Variants in NCAM2 observed in about 807,000 individuals in gnomAD.
NCAM2 encodes the protein N-CAM-2.
Under a neutral mutation model 98.1 loss-of-function variants are expected in NCAM2, and 30 were observed. That is an observed-to-expected ratio of 0.31 (90% CI 0.23 to 0.41). The LOEUF (loss-of-function observed/expected upper bound fraction) is 0.41. Ranked by LOEUF, NCAM2 falls within the 10% of genes least tolerant of loss-of-function variation. NCAM2 has a pLI of 1.00. For missense variants in NCAM2, 867 were observed against 1,005.8 expected (o/e 0.86, Z 1.87); for synonymous variants, 368 against 342.4 (o/e 1.07, Z -0.83).
At chr21:21,343,433 G>A (rs965542426) in intron 8 of NCAM2, among the ~76,000 whole-genome samples, 81 of 151,340 alleles carry the variant, frequency 5.4e-4, no homozygotes, top group African/African-American at 1.8e-3. Flanking sequence ...AACAGTTGTA[G>A]TACTTGGTTT....
At chr21:21,475,447 C>G (rs1985044970) in intron 14 of NCAM2, among the ~76,000 whole-genome samples, 1 of 152,118 alleles carries the variant, frequency 6.6e-6, no homozygotes. Flanking sequence ...CCTCACTAAT[C>G]AATTAACTGA....
At chr21:21,260,620 T>C (rs1398177273) in intron 1 of NCAM2, among the ~76,000 whole-genome samples, 1 of 149,746 alleles carries the variant, frequency 6.7e-6, no homozygotes, top group Non-Finnish European at 1.5e-5. Context: ...CCTTTATAAA[T>C]AAAGAAAAAT....
At chr21:21,233,329 T>C (rs911586200) in intron 1 of NCAM2, among the ~76,000 whole-genome samples, 10 of 151,684 alleles carry the variant, frequency 6.6e-5, no homozygotes, top group African/African-American at 2.2e-4. Flanking sequence ...GCTCCAACTT[T>C]TACATTTTTC....
intron 1 of NCAM2, among the ~76,000 whole-genome samples, chr21:21,267,248 C>A (rs1426042892): frequency 6.6e-6 from 1 of 152,098 alleles, no homozygotes; most frequent in African/African-American, 2.4e-5. Context: ...AACTTGGTGA[C>A]TCCAAGCATA....
chr21:21,289,651 CA>C (rs2073224280), intron 4 of NCAM2, among the ~76,000 whole-genome samples: 1 of 151,802 alleles, frequency 6.6e-6, no homozygotes, highest in African/African-American at 2.4e-5. Context: ...GATACTTTTA[CA>C]AATGAGTAAA....
chr21:21,100,237 A>T (rs1342401681), intron 1 of NCAM2, among the ~76,000 whole-genome samples: 1 of 152,000 alleles, frequency 6.6e-6, no homozygotes, highest in Non-Finnish European at 1.5e-5. Context: ...AAAAAAAGAG[A>T]AGCCCCAAAG....
chr21:21,146,433 A>T (rs2067274885), intron 1 of NCAM2, among the ~76,000 whole-genome samples: 1 of 151,292 alleles, frequency 6.6e-6, no homozygotes, highest in Admixed American at 6.6e-5. Flanking sequence ...TAGGGACTGA[A>T]ATTACTTGGG....
chr21:21,432,957 A>G (rs529620808), intron 12 of NCAM2, among the ~76,000 whole-genome samples: 2 of 152,336 alleles, frequency 1.3e-5, no homozygotes, highest in South Asian at 4.1e-4. Flanking sequence ...TAAAATAGTG[A>G]GGAAATTAAT....
chr21:21,526,767 G>A (rs1351392480), intron 16 of NCAM2, among the ~76,000 whole-genome samples: 1 of 152,032 alleles, frequency 6.6e-6, no homozygotes, highest in Non-Finnish European at 1.5e-5. Flanking sequence ...ATTGGCCAAA[G>A]AGTAAACAAA....
At chr21:21,128,820 CA>C (rs1285820745) in intron 1 of NCAM2, among the ~76,000 whole-genome samples, 4 of 151,890 alleles carry the variant, frequency 2.6e-5, no homozygotes, top group Non-Finnish European at 5.9e-5. Context: ...TTGGAAATGG[CA>C]AAAATATAAT....
At chr21:21,423,329 T>A (rs78097145) in intron 11 of NCAM2, among the ~76,000 whole-genome samples, 2,145 of 152,242 alleles carry the variant, frequency 0.014, 61 homozygotes, top group African/African-American at 0.049. Context: ...TTGTGACAAC[T>A]AAGTGAGTTA....
intron 16 of NCAM2, among the ~76,000 whole-genome samples, chr21:21,534,311 T>G (rs1989868875): frequency 6.6e-6 from 1 of 152,068 alleles, no homozygotes; most frequent in Admixed American, 6.5e-5. Context: ...ACAGTTTTGA[T>G]GAGAAAATCT....
At chr21:21,456,342 A>G (rs1183241568) in intron 12 of NCAM2, among the ~76,000 whole-genome samples, 1 of 152,150 alleles carries the variant, frequency 6.6e-6, no homozygotes, top group African/African-American at 2.4e-5. Context: ...AATCTGATTG[A>G]CTTTATTCTG....
At chr21:21,057,565 C>A (rs1050743513) in intron 1 of NCAM2, among the ~76,000 whole-genome samples, 1 of 151,994 alleles carries the variant, frequency 6.6e-6, no homozygotes. Context: ...CTCATGCACC[C>A]GACAAATCCT....
intron 1 of NCAM2, among the ~76,000 whole-genome samples, chr21:21,265,367 TATACAC>T (rs1164415394): frequency 2.4e-5 from 1 of 41,982 alleles, no homozygotes; most frequent in African/African-American, 9.0e-5. Flanking sequence ...TTATATTATA[TATACAC>T]ATACACATAT....
At chr21:21,285,664 A>G (rs1230851906) in intron 3 of NCAM2, among the ~76,000 whole-genome samples, 5 of 152,016 alleles carry the variant, frequency 3.3e-5, no homozygotes, top group Non-Finnish European at 7.4e-5. Flanking sequence ...ATAAATATCC[A>G]TGTTCACTCA....
At chr21:21,319,766 A>G (rs1361792177) in intron 5 of NCAM2, among the ~76,000 whole-genome samples, 1 of 152,200 alleles carries the variant, frequency 6.6e-6, no homozygotes, top group Admixed American at 6.5e-5. Flanking sequence ...TTTAAAAGAA[A>G]CATAATAATC....
intron 15 of NCAM2, among the ~76,000 whole-genome samples, chr21:21,492,568 G>A (rs1268692188): frequency 6.6e-6 from 1 of 151,716 alleles, no homozygotes; most frequent in Non-Finnish European, 1.5e-5. Flanking sequence ...CACATATTTT[G>A]ATAACACCTT....
At chr21:21,309,330 G>A (rs989499267) in intron 5 of NCAM2, among the ~76,000 whole-genome samples, 7 of 151,810 alleles carry the variant, frequency 4.6e-5, no homozygotes, top group African/African-American at 1.7e-4. Context: ...AAATACAGAT[G>A]AACTACTTGG....
Sources: gnomAD v4.1 joint callset for allele counts (sites outside exome capture counted in the v4.1 genomes callset) on GRCh38, gnomAD v4.1.1 for gene constraint, MANE v1.5 for transcripts, NCBI Gene and HGNC (gene_info 2026-07-23, HGNC 2026-07-21) for gene names.